Variants in MYO1B observed in about 807,000 individuals in gnomAD.
MYO1B encodes unconventional myosin-Ib.
A neutral mutation model predicts 159.7 loss-of-function variants in MYO1B; 72 were observed. That is an observed-to-expected ratio of 0.45 (90% CI 0.37 to 0.55). The LOEUF (loss-of-function observed/expected upper bound fraction) is 0.55, where lower values mean the gene tolerates loss of function less well. Among genes scored for constraint, MYO1B ranks in the 20% least tolerant of loss-of-function variants. The pLI is 0.00. For missense variants in MYO1B, 1,062 were observed against 1,364.8 expected (o/e 0.78, Z 3.50); for synonymous variants, 468 against 473.8 (o/e 0.99, Z 0.16).
At chr2:191,399,212 A>G (rs1217155422) in intron 21 of MYO1B, among the ~76,000 whole-genome samples, 1 of 152,164 alleles carries the variant, frequency 6.6e-6, no homozygotes, top group Non-Finnish European at 1.5e-5. Context: ...CTGAGATGGC[A>G]GCAGTACCAT....
At chr2:191,258,918 AC>A (rs1454584855) in intron 1 of MYO1B, among the ~76,000 whole-genome samples, 1 of 152,202 alleles carries the variant, frequency 6.6e-6, no homozygotes, top group African/African-American at 2.4e-5. Context: ...CTTTGAAGTG[AC>A]CTTTTTGTGT....
At chr2:191,412,974 A>G (rs1189951450) in intron 27 of MYO1B, among the ~76,000 whole-genome samples, 1 of 152,188 alleles carries the variant, frequency 6.6e-6, no homozygotes, top group African/African-American at 2.4e-5. Flanking sequence ...ATGCAGTTAC[A>G]CACAGATAAT....
intron 1 of MYO1B, among the ~76,000 whole-genome samples, chr2:191,262,296 CT>C (rs1686864125): frequency 6.6e-6 from 1 of 152,124 alleles, no homozygotes; most frequent in South Asian, 2.1e-4. Context: ...GCCGCCCCCC[CT>C]CCTCCCCAGC....
chr2:191,262,555 A>ATG (rs1028829130), intron 1 of MYO1B, among the ~76,000 whole-genome samples: 78 of 152,146 alleles, frequency 5.1e-4, no homozygotes, highest in African/African-American at 1.8e-3. Flanking sequence ...TGCCATCTTG[A>ATG]TGTGTGACAT....
chr2:191,293,840 C>A (rs530923544), intron 2 of MYO1B, among the ~76,000 whole-genome samples: 1 of 152,300 alleles, frequency 6.6e-6, no homozygotes, highest in African/African-American at 2.4e-5. Context: ...TTTTACCCAG[C>A]CTCTATTCAA....
chr2:191,419,320 G>T (rs1235012495), intron 30 of MYO1B, among the ~76,000 whole-genome samples: 1 of 151,934 alleles, frequency 6.6e-6, no homozygotes, highest in Non-Finnish European at 1.5e-5. Context: ...CTGGGTTCAT[G>T]CCATTCTCCT....
At chr2:191,406,903 A>C (rs1696950513) in intron 24 of MYO1B, among the ~76,000 whole-genome samples, 1 of 152,242 alleles carries the variant, frequency 6.6e-6, no homozygotes, top group South Asian at 2.1e-4. Flanking sequence ...AAACCTTAAC[A>C]GTCTTTAGAG....
At chr2:191,300,249 A>T (rs1273804075) in intron 3 of MYO1B, among the ~76,000 whole-genome samples, 1 of 151,706 alleles carries the variant, frequency 6.6e-6, no homozygotes, top group African/African-American at 2.4e-5. Flanking sequence ...CAGTTTGAAT[A>T]GAAAACAACT....
chr2:191,274,296 C>G (rs982980525), intron 1 of MYO1B, among the ~76,000 whole-genome samples: 2 of 152,164 alleles, frequency 1.3e-5, no homozygotes, highest in Non-Finnish European at 2.9e-5. Context: ...CTCTATTCCT[C>G]TTTGGATTAG....
intron 12 of MYO1B, 104 bp downstream of exon 12, chr2:191,369,732 C>A (rs1436766297): frequency 1.2e-6 from 1 of 818,294 alleles, no homozygotes; most frequent in Non-Finnish European, 2.0e-6. Context: ...TTGATTGCCA[C>A]TTACAAAGAT....
At chr2:191,315,970 A>G (rs1330166879) in intron 3 of MYO1B, among the ~76,000 whole-genome samples, 1 of 152,246 alleles carries the variant, frequency 6.6e-6, no homozygotes, top group Non-Finnish European at 1.5e-5. Flanking sequence ...GTATACATCT[A>G]GGGATGAGAA....
chr2:191,387,009 T>C (rs1695437029), intron 16 of MYO1B, among the ~76,000 whole-genome samples: 1 of 152,176 alleles, frequency 6.6e-6, no homozygotes, highest in African/African-American at 2.4e-5. Context: ...AAATCCTGAA[T>C]GGTAATAGAA....
At position 191,397,532 on chromosome 2, in the gene MYO1B, C is replaced by T. The variant is rs549007340; in HGVS notation, c.2295+1035C>T. The stretch of plus-strand genomic sequence containing the variant: ...GGATAAGGTCACAGATCAACAGGAT[C>T]CCAAGGCAGAAGAATTTTTCTTAGT... On this transcript the variant is annotated intron_variant, in intron 21 of 30. Transcript: ENST00000392318. Among the ~76,000 whole-genome samples, 4 of 152,020 alleles carry T rather than the reference C, an allele frequency of 2.6e-5. No homozygotes were observed. The South Asian group carries it at 8.4e-4, about 32-fold the overall frequency.
intron 30 of MYO1B, among the ~76,000 whole-genome samples, chr2:191,419,843 T>C (rs1279095932): frequency 6.6e-6 from 1 of 152,158 alleles, no homozygotes; most frequent in Non-Finnish European, 1.5e-5. Flanking sequence ...AATAAGGTTA[T>C]AAAGAAAATA....
intron 2 of MYO1B, among the ~76,000 whole-genome samples, chr2:191,283,286 T>C (rs1173189543): frequency 1.3e-5 from 2 of 151,538 alleles, no homozygotes; most frequent in African/African-American, 2.4e-5. Flanking sequence ...ATACTTACAG[T>C]GCATTAACTT....
chr2:191,356,812 CTTG>C (rs553630752), intron 7 of MYO1B, among the ~76,000 whole-genome samples: 42 of 152,164 alleles, frequency 2.8e-4, no homozygotes, highest in Non-Finnish European at 5.3e-4. Context: ...CTGGCATATG[CTTG>C]TTGTTTAATG....
At chr2:191,390,008 C>G (rs914659939) in intron 17 of MYO1B, among the ~76,000 whole-genome samples, 1 of 152,182 alleles carries the variant, frequency 6.6e-6, no homozygotes. Flanking sequence ...ACAGCATGTA[C>G]TCTTGTGTTG....
chr2:191,417,509 A>G (rs1306061259), intron 30 of MYO1B, among the ~76,000 whole-genome samples: 1 of 152,166 alleles, frequency 6.6e-6, no homozygotes, highest in Non-Finnish European at 1.5e-5. Context: ...CTCACTCACC[A>G]TGGGAAGATC....
intron 1 of MYO1B, chr2:191,246,409 G>GAAA (rs1685797408): frequency 6.6e-6 from 1 of 152,260 alleles, no homozygotes; most frequent in African/African-American, 2.4e-5. Context: ...GGCCATGTGA[G>GAAA]TTTCTAGAGC....
Sources: gnomAD v4.1 joint callset for allele counts (sites outside exome capture counted in the v4.1 genomes callset) on GRCh38, gnomAD v4.1.1 for gene constraint, MANE v1.5 for transcripts, NCBI Gene and HGNC (gene_info 2026-07-23, HGNC 2026-07-21) for gene names.